QSOX2: variants seen among roughly 807,000 people sequenced by gnomAD.
QSOX2 encodes the protein sulfhydryl oxidase 2.
A neutral mutation model predicts 61.7 loss-of-function variants in QSOX2; 46 were observed. The ratio of observed to expected loss-of-function variants is 0.75; its 90% CI spans 0.59 to 0.95. QSOX2 has a LOEUF of 0.95. Among genes scored for constraint, QSOX2 ranks in the 40% least tolerant of loss-of-function variants. The probability of loss-of-function intolerance (pLI) is 0.00; values close to 1 mark genes in which losing one functional copy is unlikely to be tolerated. For missense variants in QSOX2, 879 were observed against 918.9 expected (o/e 0.96, Z 0.56); for synonymous variants, 383 against 388.4 (o/e 0.99, Z 0.16).
rs754111895 is a variant in QSOX2, at chr9:136,215,174, G to A, written c.1340C>T (p.Pro447Leu). The A allele has an allele frequency of 3.3e-5, 54 of 1,613,850 alleles. No homozygotes were observed. The highest frequency in any genetic ancestry group is 4.5e-5 in the East Asian group (2 of 44,906). Reference protein sequence around the residue: ...HTLTVEASTHPDALVGTGFED... With the variant: ...HTLTVEASTHLDALVGTGFED... ...CTTACCTGTGCCAACCAGTGCATCT[G>A]GGTGGGTCGAGGCTTCAACAGTCAA... Residue 447 changes from proline to leucine, a missense_variant, in exon 10 of 12, where the codon CCA becomes CTA. Pro to Leu is a moderately conservative substitution (Grantham distance 98, BLOSUM62 -3). Transcript: ENST00000358701.
rs1359557251 is a variant in QSOX2, at chr9:136,208,504, G to C, written c.*224C>G. 2.0e-5 allele frequency: 11 copies of C among 545,808 alleles called. 1 individual carries two copies. Among genetic ancestry groups the C allele is most frequent in the Non-Finnish European group, 2.9e-5 (9 of 312,534 alleles). 33.8% of individuals were successfully genotyped at this position (545,808 alleles called of 1,614,324 possible). A position where few individuals can be genotyped will look rare whatever the true frequency, so the allele number is the denominator to read the frequency against. Reference sequence around the variant, plus strand: ...CTGCAAAAGGAGCATGAACAGACTTGAGTACGCCAGGAATGCAAATATCCC... The same window carrying C: ...CTGCAAAAGGAGCATGAACAGACTTCAGTACGCCAGGAATGCAAATATCCC... On this transcript the variant is annotated 3_prime_UTR_variant, in exon 12 of 12. Coordinates refer to ENST00000358701, the MANE Select transcript of QSOX2 (RefSeq NM_181701.4).
chr9:136,238,603 GC>G (rs1185429884), intron 1 of QSOX2, among the ~76,000 whole-genome samples: 7 of 152,158 alleles, frequency 4.6e-5, no homozygotes, highest in African/African-American at 1.7e-4. Flanking sequence ...CCCTCCCTCT[GC>G]CCCTCAGGCC....
At chr9:136,213,383 T>C (rs3824359) in intron 10 of QSOX2, among the ~76,000 whole-genome samples, 21,400 of 151,624 alleles carry the variant, frequency 0.14, 1,539 homozygotes, top group Middle Eastern at 0.29. Flanking sequence ...CAGATTTACA[T>C]GGTCTGGCTG....
In QSOX2 at chr9:136,214,794, C is replaced by T. The variant is rs58049816; in HGVS notation, c.1360+360G>A. On this transcript the variant is annotated intron_variant, in intron 10 of 11. Transcript: ENST00000358701. ...AATTTTGGGGTGATTTGTTATACAACAGCTGATAATGAGAACACCTCTCCA... is the reference window on the plus strand; with the variant it reads ...AATTTTGGGGTGATTTGTTATACAATAGCTGATAATGAGAACACCTCTCCA... 8.8e-3 allele frequency among the ~76,000 whole-genome samples: 1,343 copies of T among 152,362 alleles called. 15 individuals are homozygous for T. Among genetic ancestry groups the T allele is most frequent in the African/African-American group, 0.03 (1,266 of 41,578 alleles).
At position 136,219,108 on chromosome 9, in the gene QSOX2, C is replaced by T. The variant is rs1831950551; in HGVS notation, c.878G>A (p.Arg293Lys). ...TTCAGGCAAGGGAAGCGATTTTTTC[C>T]TCACATCCGGCAATGACTTCAAATA... ...SSYLKSLPDVRKKSLPLPEKP... is the reference protein window; with the variant it reads ...SSYLKSLPDVKKKSLPLPEKP... Residue 293 changes from arginine (R) to lysine (K), a missense_variant, in exon 7 of 12, where the codon AGG (arginine) becomes AAG (lysine). Arg to Lys is a conservative substitution (Grantham distance 26). Coordinates refer to ENST00000358701, the MANE Select transcript of QSOX2 (RefSeq NM_181701.4). 4.3e-6 allele frequency: 7 copies of T among 1,613,902 alleles called. No homozygotes were observed. Among genetic ancestry groups the T allele is most frequent in the Non-Finnish European group, 5.9e-6 (7 of 1,180,012 alleles).
chr9:136,235,536 A>T (rs1830373562), intron 1 of QSOX2, among the ~76,000 whole-genome samples: 1 of 152,222 alleles, frequency 6.6e-6, no homozygotes, highest in Non-Finnish European at 1.5e-5. Context: ...GAGGCTGCAG[A>T]TCTTGGTGCA....
In QSOX2 at chr9:136,208,507, T is replaced by C; in HGVS notation, c.*221A>G. 1.8e-6 allele frequency: 1 copy of C among 548,852 alleles called. No homozygotes were observed. Among genetic ancestry groups the C allele is most frequent in the South Asian group, 2.7e-5 (1 of 36,402 alleles). 34.0% of individuals were successfully genotyped at this position (548,852 alleles called of 1,614,324 possible). A position where few individuals can be genotyped will look rare whatever the true frequency, so the allele number is the denominator to read the frequency against. On this transcript the variant is annotated 3_prime_UTR_variant, in exon 12 of 12. Coordinates refer to ENST00000358701, the MANE Select transcript of QSOX2 (RefSeq NM_181701.4). ...CAAAAGGAGCATGAACAGACTTGAG[T>C]ACGCCAGGAATGCAAATATCCCCAC...
intron 3 of QSOX2, 41 bp from the exon 4 acceptor site, chr9:136,224,153 G>A (rs41298369): frequency 0.016 from 23,479 of 1,512,928 alleles, 744 homozygotes; most frequent in South Asian, 0.1. Flanking sequence ...GTGTGCGGCT[G>A]TCCTCGTGGG....
rs149522972 is a variant in QSOX2 at position 136,211,442 on chromosome 9, G to A, written c.1371C>T (p.Asp457=). Reference sequence around the variant, plus strand: ...TTGTCTGCAGCACAGCCTGGGGGTCGTCTTCAAAGCCTGCAGGGGAAGAAA... The same window carrying A: ...TTGTCTGCAGCACAGCCTGGGGGTCATCTTCAAAGCCTGCAGGGGAAGAAA... ...PDALVGTGFE[D]DPQAVLQTMR... is the part of the protein sequence containing the mutation. The change falls in exon 11 of 12, where the codon GAC becomes GAT. Residue 457 remains aspartate, a synonymous_variant. Coordinates refer to ENST00000358701, the MANE Select transcript of QSOX2 (RefSeq NM_181701.4). 127 of 1,613,546 alleles carry A rather than the reference G, an allele frequency of 7.9e-5. No homozygotes were observed. The highest frequency in any genetic ancestry group is 3.3e-4 in the Middle Eastern group (2 of 6,080).
intron 1 of QSOX2, among the ~76,000 whole-genome samples, chr9:136,230,583 C>A (rs1247598343): frequency 6.6e-6 from 1 of 152,222 alleles, no homozygotes; most frequent in Non-Finnish European, 1.5e-5. Flanking sequence ...CTTATCACGT[C>A]GGGCCACAAA....
chr9:136,228,937 C>T (rs1342723525), intron 1 of QSOX2, among the ~76,000 whole-genome samples: 1 of 152,202 alleles, frequency 6.6e-6, no homozygotes, highest in Admixed American at 6.5e-5. Context: ...TCCAGAGGTT[C>T]TGTTAAAAGC....
At chr9:136,220,422 G>T (rs1831966864) in intron 6 of QSOX2, among the ~76,000 whole-genome samples, 1 of 152,254 alleles carries the variant, frequency 6.6e-6, no homozygotes, top group African/African-American at 2.4e-5. Flanking sequence ...GGCTGAACTG[G>T]AAGCCCCAAG....
At chr9:136,217,213 G>C (rs56412126) in intron 8 of QSOX2, among the ~76,000 whole-genome samples, 34,940 of 152,176 alleles carry the variant, frequency 0.23, 4,857 homozygotes, top group Non-Finnish European at 0.32. Flanking sequence ...GGGCTTGTGT[G>C]GGCCGTGAGG....
chr9:136,236,221 A>G (rs12339147), intron 1 of QSOX2, among the ~76,000 whole-genome samples: 8,758 of 152,312 alleles, frequency 0.058, 465 homozygotes, highest in African/African-American at 0.14. Flanking sequence ...CCAGGTAGAC[A>G]GCTCTCCTCC....
intron 1 of QSOX2, among the ~76,000 whole-genome samples, chr9:136,231,897 T>TCTCCACCCC (rs1204719900): frequency 0.028 from 996 of 36,140 alleles, 14 homozygotes; most frequent in African/African-American, 0.094. Context: ...CCCTCCACCC[T>TCTCCACCCC]CTCCACCCCC....
chr9:136,234,137 G>A (rs1246842202), intron 1 of QSOX2, among the ~76,000 whole-genome samples: 5 of 151,578 alleles, frequency 3.3e-5, no homozygotes, highest in East Asian at 3.9e-4. Context: ...AGGCCTTCAC[G>A]TGGCTCCACC....
At position 136,216,660 on chromosome 9, in the gene QSOX2, G is replaced by A; in HGVS notation, c.1149C>T (p.Ser383=). The change falls in exon 9 of 12, where the codon AGC becomes AGT. Residue 383 remains serine (S), a synonymous_variant. Coordinates refer to ENST00000358701, the MANE Select transcript of QSOX2 (RefSeq NM_181701.4). ...LLEMLQEWLA[S]LPLDRIPYNA... is the part of the protein sequence containing the mutation. ...TGTAGGGGATCCTGTCCAGGGGAAGGCTGGCCAGCCACTCCTGCAGCATCT... is the reference window on the plus strand; with the variant it reads ...TGTAGGGGATCCTGTCCAGGGGAAGACTGGCCAGCCACTCCTGCAGCATCT... The A allele has an allele frequency of 6.2e-7, 1 of 1,613,724 alleles. No homozygotes were observed. Among genetic ancestry groups the A allele is most frequent in the South Asian group, 1.1e-5 (1 of 91,078 alleles).
rs1831786457 is a variant in QSOX2 at position 136,207,756 on chromosome 9, C to T, written c.*972G>A. The T allele has an allele frequency of 6.6e-6, 1 of 152,280 alleles. No homozygotes were observed. The highest frequency in any genetic ancestry group is 6.6e-5 in the Admixed American group (1 of 15,266). 9.4% of individuals were successfully genotyped at this position (152,280 alleles called of 1,614,324 possible). ...GGTGAAGAGCAGACGACAGGGGGGG[C>T]TTTAGAAGTCTCCCTGGGGCCTACG... On this transcript the variant is annotated 3_prime_UTR_variant, in exon 12 of 12. Transcript: ENST00000358701.
chr9:136,240,843 G>C (rs1830427964), intron 1 of QSOX2, among the ~76,000 whole-genome samples: 1 of 152,196 alleles, frequency 6.6e-6, no homozygotes, highest in African/African-American at 2.4e-5. Flanking sequence ...AGCCTCGAAG[G>C]GTGCTCCGAG....
Sources: allele counts gnomAD v4.1 joint callset (sites outside exome capture counted in the v4.1 genomes callset), GRCh38; gene constraint gnomAD v4.1.1; transcripts MANE v1.5; gene names NCBI Gene and HGNC (gene_info 2026-07-23, HGNC 2026-07-21).